Variants in SMAD6 observed in about 807,000 individuals in gnomAD.
The protein encoded by SMAD6 is MAD homolog 6.
SMAD6 carries 103 observed loss-of-function variants against 39.4 expected under a neutral mutation model. The observed-to-expected ratio is 2.62, with a 90% CI of 2.23 to 3.08. The LOEUF (loss-of-function observed/expected upper bound fraction) is 3.08, where lower values mean the gene tolerates loss of function less well. SMAD6 is among the 30% of genes most tolerant of loss of function. SMAD6 has a pLI of 0.00. For missense variants in SMAD6, 1,104 were observed against 742.9 expected, an observed-to-expected ratio of 1.49 and a Z score of -5.65; for synonymous variants, 445 against 353.3, an observed-to-expected ratio of 1.26 and a Z score of -2.91.
At chr15:66,775,736 C>T (rs1193953912) in intron 3 of SMAD6, among the ~76,000 whole-genome samples, 5 of 152,200 alleles carry the variant, frequency 3.3e-5, no homozygotes, top group Admixed American at 1.3e-4. Flanking sequence ...GTTGTTCACT[C>T]GTGTCTGACT....
At chr15:66,765,890 G>A (rs890668359) in intron 3 of SMAD6, among the ~76,000 whole-genome samples, 3 of 152,136 alleles carry the variant, frequency 2.0e-5, no homozygotes, top group Non-Finnish European at 1.5e-5. Context: ...CAAAAGTCCC[G>A]GCCTGCAAGT....
rs754970977 is a variant in SMAD6, at chr15:66,704,065, C to T, written c.807C>T (p.Leu269=). The T allele has an allele frequency of 4.7e-6, 7 of 1,495,166 alleles. No homozygotes were observed. Among genetic ancestry groups the T allele is most frequent in the South Asian group, 3.7e-5 (3 of 80,126 alleles). The allele number at this position is 1,495,166 out of a possible 1,614,324, so 92.6% of individuals were successfully genotyped here. ...GCAACCCCTACCACTTCAGCCGGCTCTGCGGGCCCGGTGAGCGCGCTGCGC... is the reference window on the plus strand; with the variant it reads ...GCAACCCCTACCACTTCAGCCGGCTTTGCGGGCCCGGTGAGCGCGCTGCGC... ...VCCNPYHFSR[L]CGPESPPPPY... Residue 269 remains leucine, a synonymous_variant, in exon 1 of 4, where the codon CTC becomes CTT. Transcript: ENST00000288840.
At chr15:66,717,626 A>C (rs1330326594) in intron 3 of SMAD6, 1 of 373,236 alleles carries the variant, frequency 2.7e-6, no homozygotes, top group African/African-American at 2.1e-5. Context: ...TCCCCAGCCC[A>C]GAGCCTTTGC....
intron 1 of SMAD6, chr15:66,705,840 T>G (rs1161134658): frequency 6.6e-6 from 1 of 151,544 alleles, no homozygotes; most frequent in African/African-American, 2.5e-5. Context: ...AGGCTGTGGG[T>G]GTGTATGTAA....
intron 3 of SMAD6, among the ~76,000 whole-genome samples, chr15:66,751,791 G>A (rs1020633783): frequency 3.3e-5 from 5 of 152,252 alleles, no homozygotes; most frequent in African/African-American, 7.2e-5. Flanking sequence ...AGAGCAGGAT[G>A]TCAGAGCTGG....
In SMAD6 at chr15:66,781,784, G is replaced by A. The variant is rs1023118610; in HGVS notation, c.*249G>A. The A allele has an allele frequency of 2.5e-6, 1 of 399,168 alleles. No homozygotes were observed. Among genetic ancestry groups the A allele is most frequent in the Non-Finnish European group, 4.4e-6 (1 of 226,356 alleles). 24.7% of individuals were successfully genotyped at this position (399,168 alleles called of 1,614,324 possible). On this transcript the variant is annotated 3_prime_UTR_variant, in exon 4 of 4. Transcript: ENST00000288840. ...TGTATATGGACAAAACAAGAAAGACGCACTTTGGCTTATAATTCTTTCAAT... is the reference window on the plus strand; with the variant it reads ...TGTATATGGACAAAACAAGAAAGACACACTTTGGCTTATAATTCTTTCAAT...
intron 3 of SMAD6, among the ~76,000 whole-genome samples, chr15:66,723,006 C>G (rs1893461185): frequency 6.6e-6 from 1 of 152,170 alleles, no homozygotes; most frequent in African/African-American, 2.4e-5. Context: ...GGTCACTGAT[C>G]TCAGGGGCTC....
rs568178828 is a variant in SMAD6, at chr15:66,747,473, T to C, written c.952+30975T>C. ...GGCCCTGGCCCCCTTCTCTTCTGGG[T>C]GTTCCCTCAGGGCGTTCAGGGGCTT... On this transcript the variant is annotated intron_variant, in intron 3 of 3. Coordinates refer to ENST00000288840, the MANE Select transcript of SMAD6 (RefSeq NM_005585.5). This position sits in a 1 kb window ranked among gnomAD's most constrained non-coding sequence, Gnocchi z 4.5. Among the ~76,000 whole-genome samples the C allele has an allele frequency of 9.5e-4, 144 of 152,356 alleles. 4 individuals are homozygous for C. In the South Asian group the frequency reaches 0.028, roughly 30 times the overall value.
intron 3 of SMAD6, among the ~76,000 whole-genome samples, chr15:66,727,369 C>G (rs1290941713): frequency 7.2e-5 from 11 of 152,170 alleles, no homozygotes; most frequent in Non-Finnish European, 1.6e-4. Context: ...TCCCAAAATG[C>G]TGAGATTACA....
At chr15:66,756,670 G>A (rs1229644233) in intron 3 of SMAD6, among the ~76,000 whole-genome samples, 1 of 29,996 alleles carries the variant, frequency 3.3e-5, no homozygotes, top group East Asian at 1.2e-3. Flanking sequence ...GAATCTGCCA[G>A]TGGAGATTGG....
chr15:66,767,959 CTTTTTTTTTTTTTTTTT>C (rs71142337), intron 3 of SMAD6, among the ~76,000 whole-genome samples: 1 of 60,252 alleles, frequency 1.7e-5, no homozygotes, highest in Non-Finnish European at 2.9e-5. Context: ...CAAGCTGCAT[CTTTTTTTTTTTTTTTTT>C]TTTTTTTTTT....
At chr15:66,752,989 T>A (rs961810840) in intron 3 of SMAD6, among the ~76,000 whole-genome samples, 7 of 152,150 alleles carry the variant, frequency 4.6e-5, no homozygotes, top group Non-Finnish European at 8.8e-5. Context: ...AAGGCATACA[T>A]GTGCTGCATG....
chr15:66,726,139 C>T (rs1893517233), intron 3 of SMAD6, among the ~76,000 whole-genome samples: 1 of 152,140 alleles, frequency 6.6e-6, no homozygotes, highest in Non-Finnish European at 1.5e-5. Flanking sequence ...TCTGCACCTG[C>T]CCCCCACCCT....
At chr15:66,740,167 C>T (rs979044301) in intron 3 of SMAD6, among the ~76,000 whole-genome samples, 1 of 152,194 alleles carries the variant, frequency 6.6e-6, no homozygotes, top group Non-Finnish European at 1.5e-5. Flanking sequence ...CATGGCAGGC[C>T]GTGGCACTCA....
chr15:66,703,495 C>G lies in SMAD6; in HGVS notation c.237C>G (p.Gly79=). Reference sequence around the variant, plus strand: ...CAGTGGGACAGCGAGGCGCCCAGGGCGCGGGGAGGCGCCGGCGCGCAGGGG... The same window carrying G: ...CAGTGGGACAGCGAGGCGCCCAGGGGGCGGGGAGGCGCCGGCGCGCAGGGG... ...RDAVGQRGAQ[G]AGRRRRAGGP... Residue 79 remains glycine (G), a synonymous_variant, in exon 1 of 4, where the codon GGC becomes GGG. Transcript: ENST00000288840. 2 of 1,228,440 alleles carry G rather than the reference C, an allele frequency of 1.6e-6. No individual in the cohort carries two copies. The highest frequency in any genetic ancestry group is 2.0e-6 in the Non-Finnish European group (2 of 981,850). 76.1% of individuals were successfully genotyped at this position (1,228,440 alleles called of 1,614,324 possible).
rs142884546 is a variant in SMAD6 at position 66,770,048 on chromosome 15, G to A, written c.953-10949G>A. Among the ~76,000 whole-genome samples, 879 of 152,284 alleles carry A rather than the reference G, an allele frequency of 5.8e-3. 4 individuals carry two copies. Among genetic ancestry groups the A allele is most frequent in the Non-Finnish European group, 0.01 (701 of 68,010 alleles). On this transcript the variant is annotated intron_variant, in intron 3 of 3. Transcript: ENST00000288840. ...TCACCATGTTGGCCAGGCTGGTTTC[G>A]AACTCCTGACCTCAGGCAATCCACC...
At chr15:66,715,790 TAAA>T (rs796989162) in intron 2 of SMAD6, among the ~76,000 whole-genome samples, 1 of 145,234 alleles carries the variant, frequency 6.9e-6, no homozygotes, top group Non-Finnish European at 1.5e-5. Flanking sequence ...AAGAACGCCT[TAAA>T]AAAAAACAGT....
At chr15:66,760,307 A>G (rs1434943660) in intron 3 of SMAD6, among the ~76,000 whole-genome samples, 2 of 152,144 alleles carry the variant, frequency 1.3e-5, no homozygotes, top group South Asian at 2.1e-4. Flanking sequence ...AGCAGTGCCC[A>G]TCATGGGTGC....
chr15:66,753,078 G>A (rs376098866), intron 3 of SMAD6, among the ~76,000 whole-genome samples: 5 of 152,228 alleles, frequency 3.3e-5, no homozygotes, highest in African/African-American at 1.2e-4. Context: ...TTTTGCAGGT[G>A]AAGTTGAAGG....
Sources: allele counts gnomAD v4.1 joint callset (sites outside exome capture counted in the v4.1 genomes callset), GRCh38; gene constraint gnomAD v4.1.1; non-coding constraint Gnocchi (gnomAD v3.1); transcripts MANE v1.5; gene names NCBI Gene and HGNC (gene_info 2026-07-23, HGNC 2026-07-21).